Variants in RSF1 observed in about 807,000 individuals in gnomAD.
The protein encoded by RSF1 is remodeling and spacing factor 1.
In RSF1, 13 loss-of-function variants were observed where a neutral mutation model predicts 145.2. That is an observed-to-expected ratio of 0.09 (90% CI 0.06 to 0.14). The LOEUF is 0.14. Among genes scored for constraint, RSF1 ranks in the 10% least tolerant of loss-of-function variants. The pLI is 1.00. For synonymous variants in RSF1, 577 were observed against 592.6 expected, an observed-to-expected ratio of 0.97 and a Z score of 0.38; for missense variants, 1,517 against 1,718.2, an observed-to-expected ratio of 0.88 and a Z score of 2.07.
At chr11:77,711,005 T>C (rs1206293116) in intron 5 of RSF1, among the ~76,000 whole-genome samples, 2 of 152,066 alleles carry the variant, frequency 1.3e-5, no homozygotes. Context: ...TTGTGGGAAG[T>C]TGTATTTCAA....
At chr11:77,803,145 A>G (rs1948642966) in intron 1 of RSF1, among the ~76,000 whole-genome samples, 1 of 152,050 alleles carries the variant, frequency 6.6e-6, no homozygotes, top group Admixed American at 6.6e-5. Flanking sequence ...GATAGGAACT[A>G]GAGAGTGAGT....
intron 4 of RSF1, among the ~76,000 whole-genome samples, chr11:77,727,057 CAT>C (rs1406003564): frequency 1.3e-5 from 2 of 152,156 alleles, no homozygotes; most frequent in African/African-American, 4.8e-5. Context: ...TCATACATAT[CAT>C]ATGAGCATAT....
chr11:77,802,866 A>C (rs1012713603), intron 1 of RSF1, among the ~76,000 whole-genome samples: 21 of 152,090 alleles, frequency 1.4e-4, no homozygotes, highest in Non-Finnish European at 2.9e-4. Flanking sequence ...ATATCACAAG[A>C]AAAAAACTTT....
chr11:77,761,827 G>GTTTTTT (rs1948174936), intron 2 of RSF1, among the ~76,000 whole-genome samples: 3 of 76,928 alleles, frequency 3.9e-5, no homozygotes, highest in Admixed American at 2.2e-4. Flanking sequence ...TCCATTCGGT[G>GTTTTTT]ATTTTTTTTT....
At position 77,718,350 on chromosome 11, in the gene RSF1, T is replaced by C. The variant is rs538883679; in HGVS notation, c.733+7195A>G. On this transcript the variant is annotated intron_variant, in intron 5 of 15. Coordinates refer to ENST00000308488, the MANE Select transcript of RSF1 (RefSeq NM_016578.4). ...AACAGTTTTGATACACGTAATAGTT[T>C]TCTCTTAAGAATATATAGCTGCACA... 2.0e-5 allele frequency: 3 copies of C among 152,282 alleles called. No homozygotes were observed. The South Asian group carries it at 6.2e-4, about 32-fold the overall frequency. 9.4% of individuals were successfully genotyped at this position (152,282 alleles called of 1,614,324 possible).
Position 77,702,272 on chromosome 11 carries a change from G to A in RSF1, c.957C>T (p.Val319=). The stretch of plus-strand genomic sequence containing the variant: ...CCTTCACCTCAACTTTAATGGGTTT[G>A]ACATTTTCCTTGAAGGAATCACTTT... ...KEESDSFKEN[V]KPIKVEVKEC... is the part of the protein sequence containing the mutation. Residue 319 remains valine, a synonymous_variant, in exon 6 of 16, where the codon GTC becomes GTT. Coordinates refer to ENST00000308488, the MANE Select transcript of RSF1 (RefSeq NM_016578.4). 1 of 1,609,338 alleles carries A rather than the reference G, an allele frequency of 6.2e-7. No homozygotes were observed. The highest frequency in any genetic ancestry group is 8.5e-7 in the Non-Finnish European group (1 of 1,178,882).
chr11:77,833,008 TA>T, the RSF1 span, among the ~76,000 whole-genome samples: 579 of 94,256 alleles, frequency 6.1e-3, 83 homozygotes, highest in African/African-American at 0.016. Context: ...TATATATATA[TA>T]TTTTTTTTTT....
At chr11:77,719,539 A>G (rs1180957718) in intron 5 of RSF1, among the ~76,000 whole-genome samples, 1 of 152,224 alleles carries the variant, frequency 6.6e-6, no homozygotes, top group Non-Finnish European at 1.5e-5. Context: ...TATAAAAATG[A>G]TGATCCAAAG....
the RSF1 span, among the ~76,000 whole-genome samples, chr11:77,852,224 C>CAAAAAAAAAAAAAAAAA: frequency 0.014 from 451 of 33,282 alleles, 38 homozygotes; most frequent in Non-Finnish European, 0.015. Context: ...GACACTGTCT[C>CAAAAAAAAAAAAAAAAA]AAAAAAAAAA....
the RSF1 span, among the ~76,000 whole-genome samples, chr11:77,859,300 CT>C: frequency 1.3e-5 from 2 of 152,148 alleles, no homozygotes; most frequent in African/African-American, 4.8e-5. Context: ...TCAATATCTG[CT>C]TGGTAGTTCC....
intron 1 of RSF1, among the ~76,000 whole-genome samples, chr11:77,783,624 T>G (rs1294163540): frequency 2.6e-5 from 4 of 152,156 alleles, no homozygotes; most frequent in African/African-American, 9.7e-5. Flanking sequence ...GGCGGATTGC[T>G]TGAGCCCAGG....
chr11:77,762,027 C>CTTTTTTTTTTTTTTTTTTTTTTTTTT (rs781501235), intron 2 of RSF1: 1 of 58,756 alleles, frequency 1.7e-5, no homozygotes, highest in African/African-American at 7.8e-5. Flanking sequence ...CTTTTCTTTT[C>CTTTTTTTTTTTTTTTTTTTTTTTTTT]TTTTTTTTTT....
chr11:77,855,651 G>A, the RSF1 span, among the ~76,000 whole-genome samples: 1 of 150,096 alleles, frequency 6.7e-6, no homozygotes, highest in Non-Finnish European at 1.5e-5. Context: ...TATGCCACAT[G>A]ACCAGGCTGC....
chr11:77,779,721 T>C (rs1292152558), intron 1 of RSF1, among the ~76,000 whole-genome samples: 2 of 152,198 alleles, frequency 1.3e-5, no homozygotes, highest in African/African-American at 2.4e-5. Flanking sequence ...ATTGTCTTGC[T>C]GTGCTGGTTA....
At chr11:77,830,195 A>G in the RSF1 span, 1 of 152,284 alleles carries the variant, frequency 6.6e-6, no homozygotes, top group South Asian at 2.1e-4. Flanking sequence ...ATCCAGTAAG[A>G]GATTCATCTA....
At position 77,770,895 on chromosome 11, in the gene RSF1, G is replaced by A. The variant is rs78268736; in HGVS notation, c.188-6206C>T. On this transcript the variant is annotated intron_variant, in intron 1 of 15. Coordinates refer to ENST00000308488, the MANE Select transcript of RSF1 (RefSeq NM_016578.4). The stretch of plus-strand genomic sequence containing the variant: ...AGACAAGGCCTCTATAAGATGAAGT[G>A]AGTAACCCACACAGCAGTCAGTCTT... Among the ~76,000 whole-genome samples, 1,019 of 152,246 alleles carry A rather than the reference G, an allele frequency of 6.7e-3. 14 individuals carry two copies. The highest frequency in any genetic ancestry group is 0.024 in the African/African-American group (993 of 41,542).
chr11:77,760,885 C>A (rs1200404191), intron 2 of RSF1, among the ~76,000 whole-genome samples: 1 of 152,018 alleles, frequency 6.6e-6, no homozygotes, highest in African/African-American at 2.4e-5. Context: ...TAGAAAAACA[C>A]CCCAGAAAAG....
At chr11:77,861,490 G>A in the RSF1 span, among the ~76,000 whole-genome samples, 1 of 152,206 alleles carries the variant, frequency 6.6e-6, no homozygotes, top group Non-Finnish European at 1.5e-5. Context: ...GGCTCTGTGA[G>A]GGTGATGGCA....
intron 5 of RSF1, among the ~76,000 whole-genome samples, chr11:77,721,145 A>G (rs1174829964): frequency 1.3e-5 from 2 of 152,146 alleles, no homozygotes; most frequent in Non-Finnish European, 2.9e-5. Flanking sequence ...GTGCCTATTT[A>G]TTTTTATTTC....
Sources: allele counts gnomAD v4.1 joint callset (sites outside exome capture counted in the v4.1 genomes callset), GRCh38; gene constraint gnomAD v4.1.1; transcripts MANE v1.5; gene names NCBI Gene and HGNC (gene_info 2026-07-23, HGNC 2026-07-21).